The following DMD variants were observed in gnomAD, a reference collection of about 807,000 sequenced individuals.
DMD encodes dystrophin.
A neutral mutation model predicts 330.1 loss-of-function variants in DMD; 63 were observed. That is an observed-to-expected ratio of 0.19 (90% confidence interval 0.16 to 0.24). The LOEUF (loss-of-function observed/expected upper bound fraction) is 0.24, where lower values mean the gene tolerates loss of function less well. DMD is among the 10% of genes least tolerant of loss of function. The pLI, the probability that DMD is intolerant of heterozygous loss-of-function variation, is 1.00. For missense variants in DMD, 3,344 were observed against 2,684.1 expected, an observed-to-expected ratio of 1.25 and a Z score of -5.43; for synonymous variants, 1,223 against 959.8, an observed-to-expected ratio of 1.27 and a Z score of -5.07.
rs184662414 is a variant in DMD, at chrX:31,913,688, A to G, written c.6912+15908T>C. Among the ~76,000 whole-genome samples, 724 of 111,585 alleles carry G rather than the reference A, an allele frequency of 6.5e-3. 4 individuals carry two copies. Among genetic ancestry groups the G allele is most frequent in the Non-Finnish European group, 9.0e-3 (479 of 53,139 alleles). On this transcript the variant is annotated intron_variant, in intron 47 of 78. Transcript: ENST00000357033. ...TGTGGTGAAGAATAAGTCAATGACAAGGTCAGCATCCATTCCAGAGGAAGA... is the reference window on the plus strand; with the variant it reads ...TGTGGTGAAGAATAAGTCAATGACAGGGTCAGCATCCATTCCAGAGGAAGA...
chrX:32,071,235 G>A (rs1456850149), intron 44 of DMD, among the ~76,000 whole-genome samples: 2 of 109,995 alleles, frequency 1.8e-5, no homozygotes, highest in Non-Finnish European at 1.9e-5. Context: ...CTGAGGAATC[G>A]CCACACTGAC....
chrX:32,355,147 A>G (rs1159416006), intron 37 of DMD, among the ~76,000 whole-genome samples: 4 of 111,752 alleles, frequency 3.6e-5, no homozygotes, highest in African/African-American at 1.3e-4. Context: ...TTTTAATACA[A>G]AAAGTATAAC....
intron 1 of DMD, among the ~76,000 whole-genome samples, chrX:33,060,105 G>T (rs1379904576): frequency 9.0e-6 from 1 of 111,537 alleles, no homozygotes; most frequent in Admixed American, 9.6e-5. Context: ...CATCTCAATA[G>T]GTATAGGGAC....
At chrX:32,616,460 T>A (rs922961021) in intron 11 of DMD, among the ~76,000 whole-genome samples, 1 of 111,196 alleles carries the variant, frequency 9.0e-6, no homozygotes, top group African/African-American at 3.3e-5. Context: ...TTGGGCTAAA[T>A]CCAATACTAG....
Position 31,478,133 on chromosome X carries a change from A to G in DMD, c.8910T>C (p.Ser2970=). 1 of 1,210,690 alleles carries G rather than the reference A, an allele frequency of 8.3e-7. No individual in the cohort carries two copies. The highest frequency in any genetic ancestry group is 1.8e-5 in the South Asian group (1 of 56,658). ...TGACTTTCTCGAGGTGATCTTGGAG[A>G]GAGTCAATGAGGAGATCGCCCACGG... The part of the protein sequence containing the change: ...WQPVGDLLID[S]LQDHLEKVKA... The change falls in exon 59 of 79, where the codon TCT becomes TCC. Residue 2970 remains serine, a synonymous_variant. Transcript: ENST00000357033.
In DMD at chrX:31,178,764, T is replaced by C. The variant is rs755438733; in HGVS notation, c.10128A>G (p.Leu3376=). The change falls in exon 70 of 79, where the codon CTA becomes CTG. Residue 3376 remains leucine, a synonymous_variant. Transcript: ENST00000357033. The part of the protein sequence containing the change: ...GEDVRDFAKV[L]KNKFRTKRYF... Reference sequence around the variant, plus strand: ...ACCTTTTGGTTCGAAATTTGTTTTTTAGTACCTTGGCAAAGTCTCGAACAT... The same window carrying C: ...ACCTTTTGGTTCGAAATTTGTTTTTCAGTACCTTGGCAAAGTCTCGAACAT... 1.5e-5 allele frequency: 18 copies of C among 1,209,846 alleles called. No individual in the cohort carries two copies. Among genetic ancestry groups the C allele is most frequent in the South Asian group, 5.3e-5 (3 of 56,833 alleles).
intron 44 of DMD, among the ~76,000 whole-genome samples, chrX:32,032,336 T>C (rs906083840): frequency 9.0e-6 from 1 of 111,575 alleles, no homozygotes; most frequent in African/African-American, 3.3e-5. Flanking sequence ...AGTGATTTGT[T>C]AAACATGTAA....
At chrX:32,783,039 T>G (rs1377495241) in intron 7 of DMD, among the ~76,000 whole-genome samples, 2 of 99,233 alleles carry the variant, frequency 2.0e-5, no homozygotes, top group Admixed American at 2.2e-4. Context: ...TGTGTTTATA[T>G]ATATACACAC....
At chrX:31,668,039 C>T (rs778672459) in intron 53 of DMD, among the ~76,000 whole-genome samples, 1 of 111,819 alleles carries the variant, frequency 8.9e-6, no homozygotes, top group East Asian at 2.8e-4. Flanking sequence ...ACCATCTTTT[C>T]ATGTGCTTAT....
At chrX:31,278,130 G>A (rs1302520177) in intron 62 of DMD, among the ~76,000 whole-genome samples, 2 of 111,116 alleles carry the variant, frequency 1.8e-5, no homozygotes, top group African/African-American at 6.5e-5. Flanking sequence ...TACAGATATA[G>A]ATGCGTGTGT....
In DMD at chrX:32,484,929, C is replaced by T. The variant is rs2042265182; in HGVS notation, c.2793G>A (p.Glu931=). The T allele has an allele frequency of 8.3e-7, 1 of 1,209,451 alleles. No individual in the cohort carries two copies. The highest frequency in any genetic ancestry group is 2.2e-5 in the Admixed American group (1 of 45,665). The change falls in exon 21 of 79, where the codon GAG becomes GAA. Residue 931 remains glutamate (E), a synonymous_variant. Transcript: ENST00000357033. ...AGGCTTTTTACTTACTTGTCTGTAG[C>T]TCTTTCTCTCTGGCCTGCACATCAG... ...VFSDVQAREK[E]LQTIFDTLPP...
chrX:32,637,601 T>C (rs1602393923), intron 11 of DMD, among the ~76,000 whole-genome samples: 1 of 111,772 alleles, frequency 8.9e-6, no homozygotes, highest in East Asian at 2.8e-4. Flanking sequence ...GACTGGATAA[T>C]TTATAAAGAA....
chrX:32,981,036 A>G (rs1380935920), intron 2 of DMD, among the ~76,000 whole-genome samples: 3 of 111,548 alleles, frequency 2.7e-5, no homozygotes, highest in Non-Finnish European at 3.8e-5. Flanking sequence ...ATCAGGGTAG[A>G]TGGTTCATTT....
chrX:31,430,935 TG>T (rs748003653), intron 60 of DMD, among the ~76,000 whole-genome samples: 1 of 106,292 alleles, frequency 9.4e-6, no homozygotes, highest in Non-Finnish European at 1.9e-5. Context: ...CCCAAGTAGC[TG>T]GGACTACAGG....
chrX:31,497,873 C>T (rs1186032461), intron 56 of DMD, among the ~76,000 whole-genome samples: 3 of 112,240 alleles, frequency 2.7e-5, no homozygotes, highest in African/African-American at 9.7e-5. Context: ...CTAATTAATT[C>T]ATAATAACGC....
chrX:32,633,722 A>C (rs1230448361), intron 11 of DMD, among the ~76,000 whole-genome samples: 2 of 111,877 alleles, frequency 1.8e-5, no homozygotes, highest in African/African-American at 3.3e-5. Flanking sequence ...GCATCTGCTC[A>C]GCTGCTGGGG....
At chrX:31,396,833 G>A (rs2060969473) in intron 60 of DMD, among the ~76,000 whole-genome samples, 1 of 111,660 alleles carries the variant, frequency 9.0e-6, no homozygotes, top group South Asian at 3.7e-4. Context: ...TGAAAATTTA[G>A]AAAACGTAAC....
At chrX:32,902,871 AT>A (rs1369476822) in intron 2 of DMD, among the ~76,000 whole-genome samples, 3 of 110,199 alleles carry the variant, frequency 2.7e-5, no homozygotes, top group Non-Finnish European at 5.7e-5. Context: ...CTATAAAGAA[AT>A]TTGGCCAGGT....
chrX:32,545,424 T>C, intron 16 of DMD, 90 bp from the exon 17 acceptor site: 1 of 896,165 alleles, frequency 1.1e-6, no homozygotes, highest in Non-Finnish European at 1.6e-6. Flanking sequence ...AATGAGAAAC[T>C]GTTCTTGCTT....
Sources: allele counts gnomAD v4.1 joint callset (sites outside exome capture counted in the v4.1 genomes callset), GRCh38; gene constraint gnomAD v4.1.1; transcripts MANE v1.5; gene names NCBI Gene and HGNC (gene_info 2026-07-23, HGNC 2026-07-21).